The following NRDE2 variants were observed in gnomAD, a reference collection of about 807,000 sequenced individuals.
NRDE2 encodes the protein NRDE-2, necessary for RNA interference, domain containing.
Under a neutral mutation model 124.2 loss-of-function variants are expected in NRDE2, and 76 were observed. The ratio of observed to expected loss-of-function variants is 0.61; its 90% CI spans 0.51 to 0.74. The LOEUF (loss-of-function observed/expected upper bound fraction) is 0.74. Ranked by LOEUF, NRDE2 falls within the 30% of genes least tolerant of loss-of-function variation. The probability of loss-of-function intolerance (pLI) is 0.00; values close to 1 mark genes in which losing one functional copy is unlikely to be tolerated. For synonymous variants in NRDE2, 489 were observed against 528.1 expected, an observed-to-expected ratio of 0.93 and a Z score of 1.01; for missense variants, 1,314 against 1,417.3, an observed-to-expected ratio of 0.93 and a Z score of 1.17.
chr14:90,297,300 T>C (rs1421517480), intron 8 of NRDE2, among the ~76,000 whole-genome samples: 1 of 152,136 alleles, frequency 6.6e-6, no homozygotes, highest in East Asian at 1.9e-4. Flanking sequence ...CATCTGAATC[T>C]CTGGTTAATA....
At position 90,290,404 on chromosome 14, in the gene NRDE2, AG is replaced by A. The variant is rs1189146072; in HGVS notation, c.2045del (p.Pro682LeufsTer75). ...CAACACAGCTAGCCCCAGAAAACAAAGGGTTGAAAAAAGTCAAGGGCTTTTC... is the reference window on the plus strand; with the variant it reads ...CAACACAGCTAGCCCCAGAAAACAAAGGTTGAAAAAAGTCAAGGGCTTTTC... ...YDEKPLTFFNPLFSGASCVGR... is the reference protein window; with the variant it reads ...YDEKPLTFFNXLFSGASCVGR... On this transcript the variant is annotated frameshift_variant, in exon 10 of 14. Transcript: ENST00000354366. LOFTEE classifies it high-confidence loss of function. The A allele has an allele frequency of 8.1e-6, 13 of 1,614,042 alleles. No individual in the cohort carries two copies. Among genetic ancestry groups the A allele is most frequent in the Non-Finnish European group, 1.1e-5 (13 of 1,180,052 alleles).
chr14:90,309,446 C>T (rs1302994244), intron 4 of NRDE2, among the ~76,000 whole-genome samples: 1 of 134,624 alleles, frequency 7.4e-6, no homozygotes, highest in Non-Finnish European at 1.5e-5. Context: ...GCACTCCAAC[C>T]TGGGCGACAG....
rs917950540 is a variant in NRDE2, at chr14:90,276,997, G to C, written c.*1339C>G. ...TCAAGCCAGTTAGCTCTCAGGGAGGGGGAGCAAGTCCACCTCGGAGTGGAG... is the reference window on the plus strand; with the variant it reads ...TCAAGCCAGTTAGCTCTCAGGGAGGCGGAGCAAGTCCACCTCGGAGTGGAG... On this transcript the variant is annotated 3_prime_UTR_variant, in exon 14 of 14. Transcript: ENST00000354366. 2 of 152,224 alleles carry C rather than the reference G, an allele frequency of 1.3e-5. No homozygotes were observed. The highest frequency in any genetic ancestry group is 4.8e-5 in the African/African-American group (2 of 41,432). The allele number at this position is 152,224 out of a possible 1,614,324, so 9.4% of individuals were successfully genotyped here.
intron 13 of NRDE2, 77 bp from the exon 14 acceptor site, chr14:90,278,538 C>A: frequency 2.5e-6 from 4 of 1,581,870 alleles, no homozygotes; most frequent in Non-Finnish European, 1.7e-6. Context: ...AAGCAAGGGC[C>A]AGGTTCCTGG....
chr14:90,304,981 G>A (rs554089478), intron 4 of NRDE2, among the ~76,000 whole-genome samples: 64 of 152,224 alleles, frequency 4.2e-4, no homozygotes, highest in Non-Finnish European at 8.7e-4. Context: ...TATGGAACAT[G>A]TAGGCGTCCC....
chr14:90,286,908 C>T (rs189464129), intron 11 of NRDE2, among the ~76,000 whole-genome samples: 7 of 151,628 alleles, frequency 4.6e-5, no homozygotes, highest in Non-Finnish European at 1.0e-4. Context: ...TTAGCTGGTG[C>T]CTGTAGTCCC....
Position 90,288,820 on chromosome 14 carries a change from T to G in NRDE2, c.2555A>C (p.Lys852Thr). 1 of 1,614,082 alleles carries G rather than the reference T, an allele frequency of 6.2e-7. No individual in the cohort carries two copies. The highest frequency in any genetic ancestry group is 8.5e-7 in the Non-Finnish European group (1 of 1,180,024). ...CCCATAGGGGCTGCTCTCAGTCAGC[T>G]TGGTTAATATGTGAACAGCTCGAGC... Reference protein sequence around the residue: ...ATARAVHILTKLTESSPYGPY... With the variant: ...ATARAVHILTTLTESSPYGPY... The change falls in exon 11 of 14, where the codon AAG (lysine) becomes ACG (threonine). Residue 852 changes from lysine (K) to threonine (T), a missense_variant. By Grantham distance (78) the Lys-to-Thr change is moderately conservative. Transcript: ENST00000354366.
chr14:90,282,810 G>C (rs1311071246), intron 12 of NRDE2, among the ~76,000 whole-genome samples: 3 of 152,112 alleles, frequency 2.0e-5, no homozygotes, highest in Non-Finnish European at 4.4e-5. Flanking sequence ...TGGGATTACA[G>C]ACATGTGCCA....
Position 90,292,694 on chromosome 14 carries a change from T to G in NRDE2, c.1842+3A>C. 6.2e-7 allele frequency: 1 copy of G among 1,613,008 alleles called. No individual in the cohort carries two copies. Among genetic ancestry groups the G allele is most frequent in the Non-Finnish European group, 8.5e-7 (1 of 1,179,066 alleles). On this transcript the variant is annotated splice_donor_region_variant and intron_variant, in intron 9 of 13. Transcript: ENST00000354366. ...CTTCCTGCCTGGGGCGGAGGATACA[T>G]GCCTGTCTCTCGGGATCCTCACAGT...
intron 1 of NRDE2, among the ~76,000 whole-genome samples, chr14:90,320,185 T>G (rs1433828336): frequency 6.6e-6 from 1 of 152,210 alleles, no homozygotes; most frequent in Non-Finnish European, 1.5e-5. Flanking sequence ...CTCACACTGC[T>G]ATAAAGAAAT....
At chr14:90,331,756 A>C in intron 1 of NRDE2, 85 bp downstream of exon 1, 8 of 1,448,280 alleles carry the variant, frequency 5.5e-6, no homozygotes, top group East Asian at 2.3e-5. Flanking sequence ...GGATACACAA[A>C]TCCAAAGCAA....
Position 90,323,674 on chromosome 14 carries a change from C to T in NRDE2, c.65-5561G>A, listed in dbSNP as rs183348054. ...CATTTAAGATGATTATTACAGAGAA[C>T]CTGAGCAAATTCAGCCCTTCCATGG... On this transcript the variant is annotated intron_variant, in intron 1 of 13. Coordinates refer to ENST00000354366, the MANE Select transcript of NRDE2 (RefSeq NM_017970.4). Among the ~76,000 whole-genome samples the T allele has an allele frequency of 6.5e-4, 99 of 152,234 alleles. 1 individual carries two copies. Among genetic ancestry groups the T allele is most frequent in the Admixed American group, 2.8e-3 (43 of 15,294 alleles).
Position 90,301,285 on chromosome 14 carries a change from G to A in NRDE2, c.1499C>T (p.Thr500Ile). 1 of 1,613,798 alleles carries A rather than the reference G, an allele frequency of 6.2e-7. No individual in the cohort carries two copies. The highest frequency in any genetic ancestry group is 1.1e-5 in the South Asian group (1 of 91,058). Residue 500 changes from threonine to isoleucine, a missense_variant, in exon 7 of 14, where the codon ACC becomes ATC. By Grantham distance (89) the Thr-to-Ile change is moderately conservative. Transcript: ENST00000354366. ...ISLFQAMVDF[T>I]FFKPDSVKDL... ...TTTCACGCTGTCGGGTTTGAAGAAG[G>A]TGAAGTCCACCATGGCCTGGAACAA...
chr14:90,295,593 G>T (rs1301695608), intron 8 of NRDE2, among the ~76,000 whole-genome samples: 1 of 152,136 alleles, frequency 6.6e-6, no homozygotes, highest in Non-Finnish European at 1.5e-5. Flanking sequence ...CAGAGCTTTG[G>T]ACACACATTC....
intron 12 of NRDE2, among the ~76,000 whole-genome samples, chr14:90,284,263 T>C (rs1274526117): frequency 6.6e-6 from 1 of 152,194 alleles, no homozygotes; most frequent in Non-Finnish European, 1.5e-5. Flanking sequence ...ATGTGTAACA[T>C]GATCAAGTTT....
chr14:90,315,850 G>A (rs551353754), intron 3 of NRDE2, among the ~76,000 whole-genome samples: 20 of 151,526 alleles, frequency 1.3e-4, no homozygotes, highest in African/African-American at 4.1e-4. Flanking sequence ...CCAGCTACTC[G>A]GGAGGCTGAG....
intron 4 of NRDE2, among the ~76,000 whole-genome samples, chr14:90,307,054 G>A (rs1350548335): frequency 6.6e-6 from 1 of 152,110 alleles, no homozygotes; most frequent in Non-Finnish European, 1.5e-5. Flanking sequence ...AAAATGATAA[G>A]GGAAGGGGAA....
In NRDE2 at chr14:90,320,869, G is replaced by A. The variant is rs77904337; in HGVS notation, c.65-2756C>T. ...AGAAGAGGAAACTAAGACTCAAAGG[G>A]GTTAAGTAATTAGTAATGTCATACC... On this transcript the variant is annotated intron_variant, in intron 1 of 13. Coordinates refer to ENST00000354366, the MANE Select transcript of NRDE2 (RefSeq NM_017970.4). Among the ~76,000 whole-genome samples, 352 of 152,186 alleles carry A rather than the reference G, an allele frequency of 2.3e-3. 1 individual carries two copies. The highest frequency in any genetic ancestry group is 8.0e-3 in the African/African-American group (334 of 41,520).
At position 90,290,382 on chromosome 14, in the gene NRDE2, C is replaced by G. The variant is rs1172429506; in HGVS notation, c.2068G>C (p.Val690Leu). 2.5e-6 allele frequency: 4 copies of G among 1,614,034 alleles called. No homozygotes were observed. In the African/African-American group the frequency reaches 4.0e-5, roughly 16 times the overall value. Residue 690 changes from valine to leucine, a missense_variant, in exon 10 of 14, where the codon GTT becomes CTT. Transcript: ENST00000354366. ...TAGCCCAACCTATCCATGCGGCCAACACAGCTAGCCCCAGAAAACAAAGGG... is the reference window on the plus strand; with the variant it reads ...TAGCCCAACCTATCCATGCGGCCAAGACAGCTAGCCCCAGAAAACAAAGGG... ...FNPLFSGASC[V>L]GRMDRLGYPR...
Sources: gnomAD v4.1 joint callset for allele counts (sites outside exome capture counted in the v4.1 genomes callset) on GRCh38, gnomAD v4.1.1 for gene constraint, MANE v1.5 for transcripts, NCBI Gene and HGNC (gene_info 2026-07-23, HGNC 2026-07-21) for gene names.